TIMP2: variants seen among roughly 807,000 people sequenced by gnomAD.
TIMP2 encodes the protein metalloproteinase inhibitor 2.
Under a neutral mutation model 24.3 loss-of-function variants are expected in TIMP2, and 5 were observed. That is an observed-to-expected ratio of 0.21 (90% confidence interval 0.11 to 0.43). TIMP2 has a LOEUF of 0.43. Among genes scored for constraint, TIMP2 ranks in the 20% least tolerant of loss-of-function variants. TIMP2 has a pLI of 1.00. For missense variants in TIMP2, 221 were observed against 297.5 expected (o/e 0.74, Z 1.89); for synonymous variants, 130 against 123.2 (o/e 1.06, Z -0.37).
rs1425225442 is a variant in TIMP2, at chr17:78,855,700, G to C, written c.630C>G (p.Pro210=). The change falls in exon 5 of 5, where the codon CCC becomes CCG. Residue 210 remains proline (P), a synonymous_variant. Transcript: ENST00000262768. This position sits in a 1 kb window ranked among gnomAD's most constrained non-coding sequence, Gnocchi z 6.0. ...CCTCGATGTCGAGAAACTCCTGCTT[G>C]GGGGGCGCCGCGCCGCGGTACCACG... ...SCAWYRGAAP[P]KQEFLDIEDP The C allele has an allele frequency of 1.2e-6, 2 of 1,613,788 alleles. No homozygotes were observed. The highest frequency in any genetic ancestry group is 1.7e-6 in the Non-Finnish European group (2 of 1,180,028).
At chr17:78,879,038 T>A (rs1466156295) in intron 1 of TIMP2, among the ~76,000 whole-genome samples, 1 of 152,200 alleles carries the variant, frequency 6.6e-6, no homozygotes, top group Non-Finnish European at 1.5e-5. Context: ...CCAGTTGGCA[T>A]AGCGGGATCT....
chr17:78,924,760 GGAAA>G lies in TIMP2; in HGVS notation c.130+195_130+198del, dbSNP rs2070336250. ...TTGAGACGCATCTCGGCAAAGAGAG[GGAAA>G]GAAAGGGAGAGGAGGGAGGGGGGAA... On this transcript the variant is annotated intron_variant, in intron 1 of 4. Coordinates refer to ENST00000262768, the MANE Select transcript of TIMP2 (RefSeq NM_003255.5). The surrounding 1 kb of genome is among the most constrained non-coding windows in gnomAD (Gnocchi z 5.3). Among the ~76,000 whole-genome samples, 1 of 152,088 alleles carries G rather than the reference GGAAA, an allele frequency of 6.6e-6. No homozygotes were observed. Among genetic ancestry groups the G allele is most frequent in the African/African-American group, 2.4e-5 (1 of 41,426 alleles).
intron 3 of TIMP2, among the ~76,000 whole-genome samples, chr17:78,862,342 C>T (rs774545891): frequency 2.0e-5 from 3 of 152,142 alleles, no homozygotes; most frequent in Admixed American, 6.6e-5. Context: ...GTTCCTGCCT[C>T]GGGAAATAAA....
chr17:78,882,898 G>A (rs9889410), intron 1 of TIMP2, among the ~76,000 whole-genome samples: 18,936 of 152,328 alleles, frequency 0.12, 1,312 homozygotes, highest in East Asian at 0.23. Flanking sequence ...TGCCCTTGGT[G>A]GGCAGTCAGA....
At chr17:78,890,538 C>A (rs754566498) in intron 1 of TIMP2, 1 of 1,339,694 alleles carries the variant, frequency 7.5e-7, no homozygotes. Context: ...GCCTAATAGT[C>A]TCTGAGGCAA....
intron 1 of TIMP2, among the ~76,000 whole-genome samples, chr17:78,882,143 T>G (rs925724978): frequency 4.6e-5 from 7 of 152,174 alleles, no homozygotes; most frequent in Admixed American, 4.6e-4. Flanking sequence ...TTTTATTTTG[T>G]GTATTTTTAG....
intron 1 of TIMP2, among the ~76,000 whole-genome samples, chr17:78,894,679 A>G (rs2069969717): frequency 6.6e-6 from 1 of 152,214 alleles, no homozygotes; most frequent in South Asian, 2.1e-4. Context: ...ATAGACCTTC[A>G]TCTACAACTA....
intron 3 of TIMP2, among the ~76,000 whole-genome samples, chr17:78,869,284 T>C (rs974814682): frequency 6.6e-6 from 1 of 151,270 alleles, no homozygotes; most frequent in African/African-American, 2.4e-5. Flanking sequence ...CTGGGTGTGG[T>C]GGCACACACC....
chr17:78,884,802 C>T (rs894905831), intron 1 of TIMP2, among the ~76,000 whole-genome samples: 6 of 152,200 alleles, frequency 3.9e-5, no homozygotes, highest in African/African-American at 1.4e-4. Flanking sequence ...GAAGAATGAC[C>T]ACAGGTCAGG....
At chr17:78,874,748 T>C (rs2069715005) in intron 1 of TIMP2, among the ~76,000 whole-genome samples, 1 of 151,668 alleles carries the variant, frequency 6.6e-6, no homozygotes. Flanking sequence ...CGGTTAATTT[T>C]TTTTTTTTTT....
intron 1 of TIMP2, among the ~76,000 whole-genome samples, chr17:78,911,711 A>G (rs567953363): frequency 2.0e-5 from 3 of 152,110 alleles, no homozygotes; most frequent in Non-Finnish European, 4.4e-5. Flanking sequence ...GATTACAGGC[A>G]TGAGCCACCC....
Position 78,891,654 on chromosome 17 carries a change from C to T in TIMP2, c.131-17735G>A, listed in dbSNP as rs1302920781. The T allele has an allele frequency of 1.3e-6, 2 of 1,551,032 alleles. No individual in the cohort carries two copies. The highest frequency in any genetic ancestry group is 1.7e-6 in the Non-Finnish European group (2 of 1,147,106). On this transcript the variant is annotated intron_variant, in intron 1 of 4. Coordinates refer to ENST00000262768, the MANE Select transcript of TIMP2 (RefSeq NM_003255.5). The surrounding 1 kb of genome is among the most constrained non-coding windows in gnomAD (Gnocchi z 4.5). ...AGGGCTGGAACAAAGCAAACTGCCCCCTTTCCCAGTTGCCTCCTCCCCGCC... is the reference window on the plus strand; with the variant it reads ...AGGGCTGGAACAAAGCAAACTGCCCTCTTTCCCAGTTGCCTCCTCCCCGCC...
At chr17:78,872,898 C>T (rs2069697669) in intron 2 of TIMP2, among the ~76,000 whole-genome samples, 1 of 151,900 alleles carries the variant, frequency 6.6e-6, no homozygotes, top group Non-Finnish European at 1.5e-5. Flanking sequence ...GGTGCAATCT[C>T]AGCTCACGGC....
intron 1 of TIMP2, among the ~76,000 whole-genome samples, chr17:78,887,403 T>A: frequency 6.6e-6 from 1 of 152,170 alleles, no homozygotes; most frequent in Admixed American, 6.5e-5. Flanking sequence ...TTATTTATTT[T>A]GAGATGGAGT....
rs2069503732 is a variant in TIMP2 at position 78,853,922 on chromosome 17, A to G, written c.*1745T>C. On this transcript the variant is annotated 3_prime_UTR_variant, in exon 5 of 5. Transcript: ENST00000262768. Reference sequence around the variant, plus strand: ...ATACTGAAATCACATGGACTGGTCCATTATGACATCTTACCAACTTTAGGT... The same window carrying G: ...ATACTGAAATCACATGGACTGGTCCGTTATGACATCTTACCAACTTTAGGT... 1 of 152,356 alleles carries G rather than the reference A, an allele frequency of 6.6e-6. No homozygotes were observed. The highest frequency in any genetic ancestry group is 2.1e-4 in the South Asian group (1 of 4,822). The allele number at this position is 152,356 out of a possible 1,614,324, so 9.4% of individuals were successfully genotyped here.
At chr17:78,902,925 A>G (rs771883883) in intron 1 of TIMP2, among the ~76,000 whole-genome samples, 50 of 152,152 alleles carry the variant, frequency 3.3e-4, no homozygotes, top group East Asian at 1.9e-4. Flanking sequence ...TCTCCTTCCC[A>G]TCACACTGCC....
chr17:78,873,698 C>T, intron 2 of TIMP2, 121 bp downstream of exon 2: 2 of 719,486 alleles, frequency 2.8e-6, no homozygotes, highest in Non-Finnish European at 2.3e-6. Flanking sequence ...TTGATGACCT[C>T]ATCCTCTGCT....
At chr17:78,922,394 T>C (rs931272655) in intron 1 of TIMP2, 3 of 152,218 alleles carry the variant, frequency 2.0e-5, no homozygotes, top group African/African-American at 7.2e-5. Context: ...ACGTCCCCCC[T>C]CAAATGCACA....
chr17:78,857,970 T>G (rs1314038996), intron 3 of TIMP2, among the ~76,000 whole-genome samples: 1 of 151,992 alleles, frequency 6.6e-6, no homozygotes, highest in African/African-American at 2.4e-5. Context: ...CTTGGGAGGC[T>G]GAGGCAGGAG....
Sources: allele counts gnomAD v4.1 joint callset (sites outside exome capture counted in the v4.1 genomes callset), GRCh38; gene constraint gnomAD v4.1.1; non-coding constraint Gnocchi (gnomAD v3.1); transcripts MANE v1.5; gene names NCBI Gene and HGNC (gene_info 2026-07-23, HGNC 2026-07-21).